Variants in YTHDF1 observed in about 807,000 individuals in gnomAD.
YTHDF1 encodes YTH domain-containing family protein 1.
A neutral mutation model predicts 49.1 loss-of-function variants in YTHDF1; 16 were observed. That is an observed-to-expected ratio of 0.33 (90% CI 0.22 to 0.49). YTHDF1 has a LOEUF of 0.49. YTHDF1 is among the 20% of genes least tolerant of loss of function. YTHDF1 has a pLI of 0.99. For synonymous variants in YTHDF1, 313 were observed against 290.1 expected (o/e 1.08, Z -0.80); for missense variants, 621 against 744.3 (o/e 0.83, Z 1.93).
chr20:63,212,292 G>A (rs1352048018), intron 3 of YTHDF1, among the ~76,000 whole-genome samples: 1 of 152,206 alleles, frequency 6.6e-6, no homozygotes, highest in African/African-American at 2.4e-5. Context: ...AGGTTTCTTG[G>A]TCTCTAAGCT....
At chr20:63,204,935 G>C (rs968982571) in intron 3 of YTHDF1, among the ~76,000 whole-genome samples, 2 of 152,090 alleles carry the variant, frequency 1.3e-5, no homozygotes, top group Non-Finnish European at 2.9e-5. Flanking sequence ...ACACAGGCCG[G>C]TGAGACGGGG....
rs8120968 is a variant in YTHDF1 at position 63,199,701 on chromosome 20, G to T, written c.1653+2586C>A. ...TTCGCAGGCAGGGAGAGCCAGCAGC[G>T]AAGTCCAGTCTGGGGACCTCCTCAA... On this transcript the variant is annotated intron_variant, in intron 4 of 4. Transcript: ENST00000370339. Among the ~76,000 whole-genome samples the T allele has an allele frequency of 2.6e-5, 4 of 152,206 alleles. No individual in the cohort carries two copies. In the East Asian group the frequency reaches 5.8e-4, roughly 22 times the overall value.
chr20:63,215,604 G>A lies in YTHDF1; in HGVS notation c.28-3C>T, dbSNP rs370282205. 1.4e-5 allele frequency: 22 copies of A among 1,608,944 alleles called. No individual in the cohort carries two copies. The highest frequency in any genetic ancestry group is 1.6e-4 in the Middle Eastern group (1 of 6,064). ...TTATTATCTTGTCCTTTTGTTCTCTGCACCGCCGCAGGCCGGGACGTGGGG... is the reference window on the plus strand; with the variant it reads ...TTATTATCTTGTCCTTTTGTTCTCTACACCGCCGCAGGCCGGGACGTGGGG... On this transcript the variant is annotated splice_polypyrimidine_tract_variant and splice_region_variant and intron_variant, in intron 1 of 4. Transcript: ENST00000370339.
chr20:63,200,953 G>A (rs1305610668), intron 4 of YTHDF1, among the ~76,000 whole-genome samples: 1 of 151,878 alleles, frequency 6.6e-6, no homozygotes, highest in Non-Finnish European at 1.5e-5. Flanking sequence ...GCTAAGGCAG[G>A]ACAATCACTC....
At chr20:63,196,850 T>C (rs2066494883) in intron 4 of YTHDF1, 116 bp from the exon 5 acceptor site, 2 of 1,213,028 alleles carry the variant, frequency 1.6e-6, no homozygotes, top group Admixed American at 4.1e-5. Flanking sequence ...GGCGGGACCC[T>C]GAATGGTACC....
chr20:63,206,239 G>C (rs1206820373), intron 3 of YTHDF1, among the ~76,000 whole-genome samples: 1 of 152,180 alleles, frequency 6.6e-6, no homozygotes, highest in African/African-American at 2.4e-5. Context: ...AAAAGACCTC[G>C]ATGGCTGTGT....
chr20:63,205,919 G>A (rs2066543640), intron 3 of YTHDF1, among the ~76,000 whole-genome samples: 1 of 152,208 alleles, frequency 6.6e-6, no homozygotes, highest in Non-Finnish European at 1.5e-5. Flanking sequence ...ACAAACATGA[G>A]ATTAATCTGA....
chr20:63,210,685 G>A (rs574981569), intron 3 of YTHDF1, among the ~76,000 whole-genome samples: 25 of 152,174 alleles, frequency 1.6e-4, no homozygotes, highest in Non-Finnish European at 2.9e-4. Context: ...CTACTCGGGA[G>A]GCTGAGGCAG....
chr20:63,213,765 T>C (rs993875539), intron 3 of YTHDF1, 99 bp downstream of exon 3: 2 of 1,101,582 alleles, frequency 1.8e-6, no homozygotes, highest in Admixed American at 5.0e-5. Flanking sequence ...GTCTGCTGCT[T>C]TGTTGTTTAG....
At chr20:63,196,982 C>T (rs2066495507) in intron 4 of YTHDF1, among the ~76,000 whole-genome samples, 1 of 152,214 alleles carries the variant, frequency 6.6e-6, no homozygotes, top group African/African-American at 2.4e-5. Flanking sequence ...CCACAACGGT[C>T]ACATGGGCCA....
intron 3 of YTHDF1, among the ~76,000 whole-genome samples, chr20:63,212,865 A>T (rs1455075216): frequency 4.6e-5 from 7 of 152,224 alleles, no homozygotes; most frequent in African/African-American, 2.4e-5. Context: ...TAAACATCCA[A>T]CAATGCACAG....
rs536830087 is a variant in YTHDF1, at chr20:63,204,842, G to T, written c.133-1035C>A. ...TTGGAGAGACTCAACTAAGGGTCTG[G>T]TCATGATTGGGTCCCTCCAACACTG... On this transcript the variant is annotated intron_variant, in intron 3 of 4. Coordinates refer to ENST00000370339, the MANE Select transcript of YTHDF1 (RefSeq NM_017798.4). 2.6e-5 allele frequency among the ~76,000 whole-genome samples: 4 copies of T among 152,152 alleles called. No homozygotes were observed. In the East Asian group the frequency reaches 7.8e-4, roughly 30 times the overall value.
At chr20:63,197,158 G>T (rs571130251) in intron 4 of YTHDF1, among the ~76,000 whole-genome samples, 2 of 152,332 alleles carry the variant, frequency 1.3e-5, no homozygotes, top group African/African-American at 4.8e-5. Flanking sequence ...CTGTTCTTCT[G>T]TATTTTATCT....
intron 4 of YTHDF1, among the ~76,000 whole-genome samples, chr20:63,199,798 C>A (rs1438335192): frequency 6.6e-6 from 1 of 151,790 alleles, no homozygotes; most frequent in Non-Finnish European, 1.5e-5. Context: ...GTGGCTCATT[C>A]CTATAATCCC....
chr20:63,215,404 C>A (rs769754181), intron 2 of YTHDF1, among the ~76,000 whole-genome samples, 173 bp downstream of exon 2: 1 of 152,178 alleles, frequency 6.6e-6, no homozygotes, highest in Non-Finnish European at 1.5e-5. Flanking sequence ...TCTTGAGAAG[C>A]CCCTGTCTTC....
intron 4 of YTHDF1, among the ~76,000 whole-genome samples, chr20:63,197,851 T>C (rs1254931250): frequency 3.3e-5 from 5 of 152,134 alleles, no homozygotes; most frequent in Non-Finnish European, 7.4e-5. Flanking sequence ...ACCCAAACAT[T>C]TAACCTGAAA....
At chr20:63,208,281 T>C (rs6090306) in intron 3 of YTHDF1, among the ~76,000 whole-genome samples, 26,568 of 152,060 alleles carry the variant, frequency 0.17, 2,521 homozygotes, top group East Asian at 0.35. Flanking sequence ...TAATTAATTA[T>C]GTAAAATGGA....
At position 63,202,559 on chromosome 20, in the gene YTHDF1, T is replaced by G; in HGVS notation, c.1381A>C (p.Ser461Arg). ...TTGTCCTGAGACCAGACCCCGGCAC[T>G]GGTGCCGTAGTCCACGGGGGACTTC... ...EMKSPVDYGTSAGVWSQDKWK... is the reference protein window; with the variant it reads ...EMKSPVDYGTRAGVWSQDKWK... Residue 461 changes from serine to arginine, a missense_variant, in exon 4 of 5, where the codon AGT becomes CGT. Ser to Arg is a moderately radical substitution (Grantham distance 110). This residue lies in a region of YTHDF1 where 151 missense variants were observed against 248.5 expected (regional missense o/e 0.61). Transcript: ENST00000370339. 12 of 1,614,236 alleles carry G rather than the reference T, an allele frequency of 7.4e-6. No individual in the cohort carries two copies. The highest frequency in any genetic ancestry group is 1.0e-5 in the Non-Finnish European group (12 of 1,180,044).
chr20:63,203,099 GC>G lies in YTHDF1; in HGVS notation c.840del (p.Pro281ArgfsTer91). ...DIGTWDNKGPVPKAPVPQQAP... is the reference protein window; with the variant it reads ...DIGTWDNKGPXPKAPVPQQAP... ...GCCTGCTGGGGGACTGGGGCCTTCG[GC>G]ACAGGCCCCTTGTTATCCCAGGTGC... On this transcript the variant is annotated frameshift_variant, in exon 4 of 5. Transcript: ENST00000370339. LOFTEE classifies it high-confidence loss of function. The surrounding 1 kb of genome is among the most constrained non-coding windows in gnomAD (Gnocchi z 4.4). 1 of 1,609,854 alleles carries G rather than the reference GC, an allele frequency of 6.2e-7. No homozygotes were observed. The highest frequency in any genetic ancestry group is 8.5e-7 in the Non-Finnish European group (1 of 1,177,544).
Sources: gnomAD v4.1 joint callset for allele counts (sites outside exome capture counted in the v4.1 genomes callset) on GRCh38, gnomAD v4.1.1 for gene constraint, gnomAD v4.1.1 regional missense constraint, Gnocchi (gnomAD v3.1) non-coding constraint, MANE v1.5 for transcripts, NCBI Gene and HGNC (gene_info 2026-07-23, HGNC 2026-07-21) for gene names.